DLG2: variants seen among roughly 807,000 people sequenced by gnomAD.
DLG2 encodes the protein discs large MAGUK scaffold protein 2, also known as disks large homolog 2.
Under a neutral mutation model 132.5 loss-of-function variants are expected in DLG2, and 45 were observed. The observed-to-expected ratio is 0.34, with a 90% CI of 0.27 to 0.44. The LOEUF is 0.44. Ranked by LOEUF, DLG2 falls within the 20% of genes least tolerant of loss-of-function variation. DLG2 has a pLI of 1.00. For missense variants in DLG2, 1,045 were observed against 1,196.9 expected (o/e 0.87, Z 1.87); for synonymous variants, 424 against 419.6 (o/e 1.01, Z -0.13).
intron 11 of DLG2, among the ~76,000 whole-genome samples, chr11:84,034,013 G>A (rs536214138): frequency 2.6e-5 from 4 of 152,220 alleles, no homozygotes; most frequent in South Asian, 4.1e-4. Context: ...CCCAGGAGGC[G>A]GAGGTTGCGG....
intron 6 of DLG2, among the ~76,000 whole-genome samples, chr11:84,773,484 G>A (rs1055452378): frequency 6.6e-6 from 1 of 152,090 alleles, no homozygotes; most frequent in South Asian, 2.1e-4. Context: ...GTAAACTTCA[G>A]GCCAATATCC....
At chr11:85,125,137 A>G (rs1388489738) in intron 5 of DLG2, among the ~76,000 whole-genome samples, 4 of 152,210 alleles carry the variant, frequency 2.6e-5, no homozygotes, top group African/African-American at 9.6e-5. Flanking sequence ...GCCTGAGCGC[A>G]GTAAATGTGT....
intron 7 of DLG2, among the ~76,000 whole-genome samples, chr11:84,351,366 T>A (rs1481142065): frequency 6.6e-6 from 1 of 152,180 alleles, no homozygotes; most frequent in Non-Finnish European, 1.5e-5. Context: ...TTATTTTTCT[T>A]CATGCATTAT....
chr11:84,756,314 A>G (rs1421436411), intron 6 of DLG2, among the ~76,000 whole-genome samples: 2 of 152,238 alleles, frequency 1.3e-5, no homozygotes, highest in African/African-American at 4.8e-5. Flanking sequence ...CTAAATAGAA[A>G]TAACTGTTGA....
At chr11:83,630,170 G>A (rs1031683262) in intron 19 of DLG2, among the ~76,000 whole-genome samples, 1 of 152,154 alleles carries the variant, frequency 6.6e-6, no homozygotes, top group Admixed American at 6.5e-5. Flanking sequence ...CTGGCTCAGA[G>A]AGTGCTGGTT....
At chr11:85,115,973 T>C (rs1414954773) in intron 5 of DLG2, among the ~76,000 whole-genome samples, 1 of 151,956 alleles carries the variant, frequency 6.6e-6, no homozygotes, top group Non-Finnish European at 1.5e-5. Context: ...GATCTGATCC[T>C]GTAAAACACA....
In DLG2 at chr11:84,601,230, A is replaced by AAC. The variant is rs147136019; in HGVS notation, c.358-66501_358-66500dup. Among the ~76,000 whole-genome samples, 303 of 151,272 alleles carry AAC rather than the reference A, an allele frequency of 2.0e-3. 1 individual carries two copies. The highest frequency in any genetic ancestry group is 5.2e-3 in the African/African-American group (215 of 41,376). ...TTTGCCACTGAAAGAATTGTTTTGA[A>AAC]ACACACACACACACACGCACTCATG... On this transcript the variant is annotated intron_variant, in intron 6 of 27. Coordinates refer to ENST00000376104, the MANE Select transcript of DLG2 (RefSeq NM_001142699.3).
At position 84,204,794 on chromosome 11, in the gene DLG2, T is replaced by C. The variant is rs563160622; in HGVS notation, c.574-41283A>G. On this transcript the variant is annotated intron_variant, in intron 8 of 27. Coordinates refer to ENST00000376104, the MANE Select transcript of DLG2 (RefSeq NM_001142699.3). ...GTGGTTCACTGCACCCTCTGCCTCC[T>C]GAATTCAAGCCATTCTCCTGCCTCA... 4.3e-4 allele frequency among the ~76,000 whole-genome samples: 66 copies of C among 152,260 alleles called. 1 individual carries two copies. Among genetic ancestry groups the C allele is most frequent in the African/African-American group, 1.4e-3 (60 of 41,564 alleles).
intron 6 of DLG2, among the ~76,000 whole-genome samples, chr11:84,965,897 C>T (rs1467048791): frequency 1.3e-5 from 2 of 151,912 alleles, no homozygotes; most frequent in South Asian, 2.1e-4. Context: ...TTAACCTGGC[C>T]CAGGAAAGAT....
chr11:85,450,291 A>G (rs1326549352), intron 3 of DLG2, among the ~76,000 whole-genome samples: 1 of 152,048 alleles, frequency 6.6e-6, no homozygotes, highest in African/African-American at 2.4e-5. Context: ...TGACAGGGAG[A>G]CATTTTTTTT....
At chr11:83,951,504 C>T (rs1565780491) in intron 14 of DLG2, among the ~76,000 whole-genome samples, 1 of 152,074 alleles carries the variant, frequency 6.6e-6, no homozygotes, top group Admixed American at 6.6e-5. Flanking sequence ...CTGAGATGGC[C>T]TCTCTGATAA....
At chr11:84,980,698 T>A (rs967290305) in intron 6 of DLG2, among the ~76,000 whole-genome samples, 1 of 152,242 alleles carries the variant, frequency 6.6e-6, no homozygotes, top group Non-Finnish European at 1.5e-5. Context: ...AACTTTCTTT[T>A]AACCACAGTG....
At chr11:84,114,532 T>C (rs1041212024) in intron 9 of DLG2, among the ~76,000 whole-genome samples, 1 of 152,142 alleles carries the variant, frequency 6.6e-6, no homozygotes, top group African/African-American at 2.4e-5. Context: ...TGAATGCTTA[T>C]CAAATTAATA....
intron 3 of DLG2, among the ~76,000 whole-genome samples, chr11:85,336,819 C>A (rs2082166383): frequency 1.3e-5 from 2 of 152,198 alleles, no homozygotes; most frequent in African/African-American, 2.4e-5. Flanking sequence ...CATTAGTATT[C>A]TTTTAACTTT....
chr11:84,659,674 A>G (rs1295120114), intron 6 of DLG2, among the ~76,000 whole-genome samples: 1 of 152,142 alleles, frequency 6.6e-6, no homozygotes, highest in Non-Finnish European at 1.5e-5. Flanking sequence ...TTGATTTTCA[A>G]TAATGTCTCT....
intron 6 of DLG2, among the ~76,000 whole-genome samples, chr11:84,657,142 T>A (rs1458333501): frequency 6.6e-6 from 1 of 152,168 alleles, no homozygotes; most frequent in Non-Finnish European, 1.5e-5. Flanking sequence ...TGTTTTAATG[T>A]GCTAATCCAT....
At chr11:85,010,204 T>C (rs138652736) in intron 6 of DLG2, among the ~76,000 whole-genome samples, 97 of 152,218 alleles carry the variant, frequency 6.4e-4, no homozygotes, top group African/African-American at 2.0e-3. Context: ...CTTTCTATAC[T>C]ATAATAGCAA....
At chr11:83,991,576 C>T (rs2093712237) in intron 11 of DLG2, among the ~76,000 whole-genome samples, 1 of 151,928 alleles carries the variant, frequency 6.6e-6, no homozygotes, top group Non-Finnish European at 1.5e-5. Flanking sequence ...GTTCCTTAGC[C>T]TCAATGCTTT....
chr11:83,709,369 A>G (rs2084856681), intron 18 of DLG2, among the ~76,000 whole-genome samples: 1 of 149,284 alleles, frequency 6.7e-6, no homozygotes, highest in South Asian at 2.1e-4. Flanking sequence ...ACACACACAC[A>G]CATATATATA....
Sources: gnomAD v4.1 joint callset for allele counts (sites outside exome capture counted in the v4.1 genomes callset) on GRCh38, gnomAD v4.1.1 for gene constraint, MANE v1.5 for transcripts, NCBI Gene and HGNC (gene_info 2026-07-23, HGNC 2026-07-21) for gene names.